Variants in AMBRA1 observed in about 807,000 individuals in gnomAD.
The protein encoded by AMBRA1 is activating molecule in BECN1-regulated autophagy protein 1.
AMBRA1 carries 47 observed loss-of-function variants against 125.4 expected under a neutral mutation model. The ratio of observed to expected loss-of-function variants is 0.37; its 90% confidence interval spans 0.30 to 0.48. AMBRA1 has a LOEUF of 0.48. Ranked by LOEUF, AMBRA1 falls within the 20% of genes least tolerant of loss-of-function variation. The pLI, the probability that AMBRA1 is intolerant of heterozygous loss-of-function variation, is 0.99. For missense variants in AMBRA1, 1,331 were observed against 1,693.4 expected (o/e 0.79, Z 3.76); for synonymous variants, 626 against 655.5 (o/e 0.95, Z 0.69).
At chr11:46,547,515 G>A (rs776163102) in intron 3 of AMBRA1, 25 of 561,842 alleles carry the variant, frequency 4.4e-5, no homozygotes, top group Non-Finnish European at 7.4e-5. Flanking sequence ...TGCCACATTC[G>A]GAAAATATTT....
Position 46,544,003 on chromosome 11 carries a change from G to A in AMBRA1, c.590C>T (p.Thr197Ile). 2 of 1,614,004 alleles carry A rather than the reference G, an allele frequency of 1.2e-6. No homozygotes were observed. Among genetic ancestry groups the A allele is most frequent in the Non-Finnish European group, 1.7e-6 (2 of 1,179,896 alleles). The change falls in exon 6 of 18, where the codon ACA (threonine) becomes ATA (isoleucine). Residue 197 changes from threonine to isoleucine, a missense_variant. Physicochemically the swap from Thr to Ile is moderately conservative, Grantham distance 89. This residue lies in a region of AMBRA1 where 689 missense variants were observed against 776.5 expected (regional missense o/e 0.89). Transcript: ENST00000683756. ...TTGATTAGAGGGGTTAACAATTGCT[G>A]TGAGTAAGTAGTGTCCAAGTGGATC... is the stretch of plus-strand genomic sequence containing the variant. ...RFDPLGHYLL[T>I]AIVNPSNQQG... is the part of the protein sequence containing the mutation.
At chr11:46,528,299 G>A (rs1171136195) in intron 7 of AMBRA1, among the ~76,000 whole-genome samples, 2 of 152,162 alleles carry the variant, frequency 1.3e-5, no homozygotes, top group East Asian at 1.9e-4. Context: ...AGCCTCCTGA[G>A]TAGCTGGGTT....
At chr11:46,576,831 G>A (rs917108078) in intron 1 of AMBRA1, among the ~76,000 whole-genome samples, 2 of 152,202 alleles carry the variant, frequency 1.3e-5, no homozygotes, top group Non-Finnish European at 2.9e-5. Context: ...ATGATTAAGA[G>A]TCTTAAATTC....
In AMBRA1 at chr11:46,397,762, G is replaced by C. The variant is rs1189494520; in HGVS notation, c.3585C>G (p.Gly1195=). ...AGGTGTGGGCGGCACCAGGTTCAGT[G>C]CCCGTCTGAGAGCTGCGGTGAATGC... ...SHRIHRSSQT[G]TEPGAAHTSS... The change falls in exon 18 of 18, where the codon GGC becomes GGG. Residue 1195 remains glycine, a synonymous_variant. Coordinates refer to ENST00000683756, the MANE Select transcript of AMBRA1 (RefSeq NM_001387011.1). The C allele has an allele frequency of 1.2e-6, 2 of 1,612,228 alleles. No homozygotes were observed. The highest frequency in any genetic ancestry group is 1.7e-6 in the Non-Finnish European group (2 of 1,180,010).
chr11:46,535,241 T>A (rs1231846597), intron 7 of AMBRA1, among the ~76,000 whole-genome samples: 8 of 152,232 alleles, frequency 5.3e-5, no homozygotes, highest in Non-Finnish European at 1.2e-4. Flanking sequence ...TACTGTATAG[T>A]ATCTTGAATA....
chr11:46,406,548 ACTG>A (rs1484671339), intron 17 of AMBRA1, among the ~76,000 whole-genome samples: 1 of 151,864 alleles, frequency 6.6e-6, no homozygotes, highest in Non-Finnish European at 1.5e-5. Flanking sequence ...TCTTCCAGTG[ACTG>A]CTATTTGCAC....
rs895526159 is a variant in AMBRA1, at chr11:46,428,922, G to C, written c.2976+4552C>G. 7.4e-6 allele frequency: 12 copies of C among 1,611,840 alleles called. No homozygotes were observed. The African/African-American group carries it at 1.6e-4, about 22-fold the overall frequency. ...AGATGAAGGTAATCACGGAGATACT[G>C]GATACCCTCATTGGTAAGGTACCAG... On this transcript the variant is annotated intron_variant, in intron 14 of 17. Transcript: ENST00000683756.
chr11:46,587,960 T>C (rs1283885393), intron 1 of AMBRA1, among the ~76,000 whole-genome samples: 1 of 151,586 alleles, frequency 6.6e-6, no homozygotes, highest in East Asian at 1.9e-4. Flanking sequence ...CAACACACAA[T>C]GAAGAAAAAA....
At chr11:46,453,731 C>A (rs1302318686) in intron 11 of AMBRA1, among the ~76,000 whole-genome samples, 1 of 151,966 alleles carries the variant, frequency 6.6e-6, no homozygotes, top group Non-Finnish European at 1.5e-5. Context: ...AATAAAATCC[C>A]AAAAAAGCAC....
intron 1 of AMBRA1, among the ~76,000 whole-genome samples, chr11:46,571,109 A>T (rs768609312): frequency 1.3e-5 from 2 of 152,200 alleles, no homozygotes; most frequent in Non-Finnish European, 2.9e-5. Flanking sequence ...TTGCCTCCTT[A>T]CAATGGTTCT....
At chr11:46,449,207 C>G (rs930551250) in intron 11 of AMBRA1, among the ~76,000 whole-genome samples, 1 of 152,128 alleles carries the variant, frequency 6.6e-6, no homozygotes, top group Non-Finnish European at 1.5e-5. Flanking sequence ...GAAACCACCC[C>G]CCACCGCAAA....
At chr11:46,557,336 A>G (rs1412394183) in intron 1 of AMBRA1, among the ~76,000 whole-genome samples, 1 of 151,824 alleles carries the variant, frequency 6.6e-6, no homozygotes, top group African/African-American at 2.4e-5. Flanking sequence ...GAAAATGGTA[A>G]TAAGAACACA....
At chr11:46,403,107 G>A (rs142606909) in intron 17 of AMBRA1, among the ~76,000 whole-genome samples, 3 of 152,330 alleles carry the variant, frequency 2.0e-5, no homozygotes, top group African/African-American at 7.2e-5. Flanking sequence ...GAGTTCACAT[G>A]AGGTCTCTTC....
intron 7 of AMBRA1, among the ~76,000 whole-genome samples, chr11:46,533,557 C>T (rs1445458668): frequency 1.3e-5 from 2 of 152,132 alleles, no homozygotes; most frequent in Admixed American, 1.3e-4. Context: ...CGTTCATCAG[C>T]TCTTCACCCA....
At chr11:46,489,217 C>T (rs943884838) in intron 11 of AMBRA1, among the ~76,000 whole-genome samples, 42 of 152,136 alleles carry the variant, frequency 2.8e-4, no homozygotes, top group African/African-American at 9.7e-4. Context: ...CCCTCCCCCG[C>T]TCTCCCCACC....
chr11:46,591,501 G>A (rs2044592582), intron 1 of AMBRA1: 1 of 152,080 alleles, frequency 6.6e-6, no homozygotes, highest in Non-Finnish European at 1.5e-5. Flanking sequence ...TAAAATAGTG[G>A]GAGAATGTGG....
At chr11:46,548,128 A>G in intron 2 of AMBRA1, 118 bp downstream of exon 2, 1 of 1,427,564 alleles carries the variant, frequency 7.0e-7, no homozygotes, top group Admixed American at 2.0e-5. Flanking sequence ...TAAGTCAGAT[A>G]TGTCAACTCT....
Position 46,542,697 on chromosome 11 carries a change from G to A in AMBRA1, c.1320C>T (p.Thr440=). ...ACAGCAAACTCACCGAAGAGGCACT[G>A]GTTCTGGGCGGGGGCATGGATTCCG... The part of the protein sequence containing the change: ...SEAESMPPPR[T]SASSVSLLSV... Residue 440 remains threonine, a synonymous_variant, in exon 7 of 18, where the codon ACC becomes ACT. Coordinates refer to ENST00000683756, the MANE Select transcript of AMBRA1 (RefSeq NM_001387011.1). The surrounding 1 kb of genome is among the most constrained non-coding windows in gnomAD (Gnocchi z 5.9). 6.2e-7 allele frequency: 1 copy of A among 1,614,148 alleles called. No individual in the cohort carries two copies. The highest frequency in any genetic ancestry group is 8.5e-7 in the Non-Finnish European group (1 of 1,180,030).
chr11:46,554,085 A>G (rs555060826), intron 1 of AMBRA1, among the ~76,000 whole-genome samples: 1 of 152,290 alleles, frequency 6.6e-6, no homozygotes, highest in South Asian at 2.1e-4. Context: ...TGCCAAAAAT[A>G]CAGTTCCTAT....
Sources: gnomAD v4.1 joint callset for allele counts (sites outside exome capture counted in the v4.1 genomes callset) on GRCh38, gnomAD v4.1.1 for gene constraint, gnomAD v4.1.1 regional missense constraint, Gnocchi (gnomAD v3.1) non-coding constraint, MANE v1.5 for transcripts, NCBI Gene and HGNC (gene_info 2026-07-23, HGNC 2026-07-21) for gene names.